Variants in SLAIN2 observed in about 807,000 individuals in gnomAD.
SLAIN2 encodes the protein SLAIN motif-containing protein 2.
A neutral mutation model predicts 56.6 loss-of-function variants in SLAIN2; 31 were observed. The observed-to-expected ratio is 0.55, with a 90% CI of 0.41 to 0.74. SLAIN2 has a LOEUF of 0.74. Among genes scored for constraint, SLAIN2 ranks in the 30% least tolerant of loss-of-function variants. The pLI is 0.00. For synonymous variants in SLAIN2, 317 were observed against 284.9 expected (o/e 1.11, Z -1.13); for missense variants, 777 against 754.2 (o/e 1.03, Z -0.35).
chr4:48,383,730 A>G lies in SLAIN2; in HGVS notation c.1306A>G (p.Asn436Asp). ...AGTGAAAAGCAGCAGAAGTGACTCAAATTTTCAAGTGCCAAACGGAGGAAT... is the reference window on the plus strand; with the variant it reads ...AGTGAAAAGCAGCAGAAGTGACTCAGATTTTCAAGTGCCAAACGGAGGAAT... ...DSVKSSRSDS[N>D]FQVPNGGIPR... Residue 436 changes from asparagine (N) to aspartate (D), a missense_variant, in exon 6 of 8, where the codon AAT becomes GAT. Asn to Asp is a conservative substitution (Grantham distance 23, BLOSUM62 1). Coordinates refer to ENST00000264313, the MANE Select transcript of SLAIN2 (RefSeq NM_020846.2). The G allele has an allele frequency of 6.2e-7, 1 of 1,612,142 alleles. No individual in the cohort carries two copies. The highest frequency in any genetic ancestry group is 8.5e-7 in the Non-Finnish European group (1 of 1,178,838).
rs1221740371 is a variant in SLAIN2 at position 48,382,678 on chromosome 4, G to T, written c.973G>T (p.Asp325Tyr). ...TCAGGAACTTGATGCACAAAGTTTA[G>T]ATGATGAAGATGACAATATGCATCA... ...SDQELDAQSL[D>Y]DEDDNMHHAV... The change falls in exon 5 of 8, where the codon GAT (aspartate) becomes TAT (tyrosine). Residue 325 changes from aspartate to tyrosine, a missense_variant. Transcript: ENST00000264313. 5.0e-6 allele frequency: 8 copies of T among 1,613,692 alleles called. No homozygotes were observed. Among genetic ancestry groups the T allele is most frequent in the Non-Finnish European group, 5.9e-6 (7 of 1,179,852 alleles).
At chr4:48,374,171 C>T (rs1163077229) in intron 2 of SLAIN2, among the ~76,000 whole-genome samples, 1 of 152,104 alleles carries the variant, frequency 6.6e-6, no homozygotes, top group African/African-American at 2.4e-5. Flanking sequence ...TGAGATAAGG[C>T]CAGAAAGATA....
intron 1 of SLAIN2, among the ~76,000 whole-genome samples, chr4:48,352,619 G>T (rs758321546): frequency 6.6e-6 from 1 of 152,210 alleles, no homozygotes; most frequent in African/African-American, 2.4e-5. Flanking sequence ...AATGTCTCCA[G>T]ATGTTGCCAG....
chr4:48,366,134 G>A (rs1715514213), intron 1 of SLAIN2, among the ~76,000 whole-genome samples: 1 of 152,082 alleles, frequency 6.6e-6, no homozygotes, highest in Admixed American at 6.6e-5. Flanking sequence ...ATTGCTTTCT[G>A]TTGCTGATTT....
rs1248069177 is a variant in SLAIN2, at chr4:48,369,165, A to G, written c.390-684A>G. Among the ~76,000 whole-genome samples the G allele has an allele frequency of 3.3e-5, 5 of 152,334 alleles. No homozygotes were observed. The East Asian group carries it at 9.6e-4, about 29-fold the overall frequency. ...GGAGTGACACTTGAAATAAATTAATAGTAACTGACATAATCTGGATTAATC... is the reference window on the plus strand; with the variant it reads ...GGAGTGACACTTGAAATAAATTAATGGTAACTGACATAATCTGGATTAATC... On this transcript the variant is annotated intron_variant, in intron 1 of 7. Transcript: ENST00000264313.
At chr4:48,406,245 T>A (rs1194342696) in intron 6 of SLAIN2, among the ~76,000 whole-genome samples, 1 of 152,216 alleles carries the variant, frequency 6.6e-6, no homozygotes, top group Non-Finnish European at 1.5e-5. Context: ...GGTTGGTCAT[T>A]GTTTCCAGGT....
intron 6 of SLAIN2, among the ~76,000 whole-genome samples, chr4:48,398,101 G>C (rs2109774664): frequency 6.6e-6 from 1 of 152,250 alleles, no homozygotes; most frequent in South Asian, 2.1e-4. Flanking sequence ...TTCCACAGTG[G>C]TTGAACTAAT....
At chr4:48,410,477 C>T (rs1181115094) in intron 6 of SLAIN2, among the ~76,000 whole-genome samples, 1 of 152,100 alleles carries the variant, frequency 6.6e-6, no homozygotes, top group Non-Finnish European at 1.5e-5. Context: ...ATGGGTCATG[C>T]TCATAGTGTC....
At chr4:48,384,246 A>G (rs1328177120) in intron 6 of SLAIN2, among the ~76,000 whole-genome samples, 9 of 152,182 alleles carry the variant, frequency 5.9e-5, no homozygotes, top group African/African-American at 2.2e-4. Flanking sequence ...TCAAACCTGC[A>G]ATATATTAAA....
At chr4:48,356,483 C>G (rs562330232) in intron 1 of SLAIN2, among the ~76,000 whole-genome samples, 5 of 152,254 alleles carry the variant, frequency 3.3e-5, no homozygotes, top group South Asian at 2.1e-4. Context: ...AAGATCTGTA[C>G]TAGTAGCTGA....
rs1282233229 is a variant in SLAIN2, at chr4:48,412,399, CACACACACACACACACAT to C, written c.1361-7725_1361-7708del. Among the ~76,000 whole-genome samples, 94 of 57,090 alleles carry C rather than the reference CACACACACACACACACAT, an allele frequency of 1.6e-3. 6 individuals are homozygous for C. Among genetic ancestry groups the C allele is most frequent in the Admixed American group, 2.2e-3 (13 of 5,832 alleles). 37.5% of individuals were successfully genotyped at this position (57,090 alleles called of 152,430 possible). A position where few individuals can be genotyped will look rare whatever the true frequency, so the allele number is the denominator to read the frequency against. On this transcript the variant is annotated intron_variant, in intron 6 of 7. Transcript: ENST00000264313. ...ACACACACACACACACACACACACA[CACACACACACACACACAT>C]TCCCTCTCTCTCTCTCTCTCTGTGT...
rs1242079999 is a variant in SLAIN2 at position 48,424,269 on chromosome 4, A to T, written c.*2192A>T. On this transcript the variant is annotated 3_prime_UTR_variant, in exon 8 of 8. Transcript: ENST00000264313. ...GACTTTTAGTTTCTTAAAGAGAAAA[A>T]TTGCCTTTTTACTAGAAAGCCTTTG... 6.6e-6 allele frequency: 1 copy of T among 152,110 alleles called. No homozygotes were observed. 9.4% of individuals were successfully genotyped at this position (152,110 alleles called of 1,614,324 possible).
chr4:48,362,609 CAG>C (rs1180210355), intron 1 of SLAIN2, among the ~76,000 whole-genome samples: 1 of 135,042 alleles, frequency 7.4e-6, no homozygotes, highest in East Asian at 2.0e-4. Flanking sequence ...TTAGTAGAAA[CAG>C]GGTTTCACCG....
chr4:48,342,081 C>A lies in SLAIN2; in HGVS notation c.342C>A (p.Pro114=), dbSNP rs1000433119. The A allele has an allele frequency of 1.5e-6, 2 of 1,367,822 alleles. No homozygotes were observed. Among genetic ancestry groups the A allele is most frequent in the Non-Finnish European group, 9.4e-7 (1 of 1,067,420 alleles). The allele number at this position is 1,367,822 out of a possible 1,614,324, so 84.7% of individuals were successfully genotyped here. The change falls in exon 1 of 8, where the codon CCC becomes CCA. Residue 114 remains proline, a synonymous_variant. Coordinates refer to ENST00000264313, the MANE Select transcript of SLAIN2 (RefSeq NM_020846.2). ...TGGACGAGGTGGAGCCGCTGCGGCCCGACGAGCTGGAGCGCCTGTCAGGCT... is the reference window on the plus strand; with the variant it reads ...TGGACGAGGTGGAGCCGCTGCGGCCAGACGAGCTGGAGCGCCTGTCAGGCT... ...GLLDEVEPLR[P]DELERLSGWE...
intron 1 of SLAIN2, among the ~76,000 whole-genome samples, chr4:48,368,911 A>G (rs771603694): frequency 6.6e-5 from 10 of 152,332 alleles, no homozygotes; most frequent in Non-Finnish European, 1.2e-4. Flanking sequence ...TAGTTTGTCT[A>G]TTGTAGTTCT....
chr4:48,357,437 A>G (rs1474834458), intron 1 of SLAIN2, among the ~76,000 whole-genome samples: 2 of 151,870 alleles, frequency 1.3e-5, no homozygotes, highest in Admixed American at 1.3e-4. Flanking sequence ...GCTGGAGCGC[A>G]GTGGCACAGT....
At chr4:48,382,973 T>C in intron 5 of SLAIN2, 46 bp downstream of exon 5, 2 of 1,504,400 alleles carry the variant, frequency 1.3e-6, no homozygotes, top group Non-Finnish European at 1.8e-6. Context: ...TCTGCTAGCC[T>C]GTGTAACATA....
chr4:48,369,722 G>T, intron 1 of SLAIN2, 127 bp from the exon 2 acceptor site: 1 of 753,002 alleles, frequency 1.3e-6, no homozygotes, highest in Non-Finnish European at 2.0e-6. Flanking sequence ...GTAAATGTGG[G>T]TGATTTAAAA....
intron 2 of SLAIN2, among the ~76,000 whole-genome samples, chr4:48,377,555 C>T (rs962459220): frequency 5.9e-5 from 9 of 151,830 alleles, no homozygotes; most frequent in African/African-American, 2.2e-4. Context: ...CTTTTATATT[C>T]CATTTATTTT....
Sources: gnomAD v4.1 joint callset for allele counts (sites outside exome capture counted in the v4.1 genomes callset) on GRCh38, gnomAD v4.1.1 for gene constraint, MANE v1.5 for transcripts, NCBI Gene and HGNC (gene_info 2026-07-23, HGNC 2026-07-21) for gene names.